GTF2A1L: variants seen among roughly 807,000 people sequenced by gnomAD.
GTF2A1L encodes general transcription factor IIA subunit 1 like, also known as TFIIA-alpha and beta-like factor.
A neutral mutation model predicts 49.7 loss-of-function variants in GTF2A1L; 48 were observed. The ratio of observed to expected loss-of-function variants is 0.97; its 90% confidence interval spans 0.77 to 1.23. GTF2A1L has a LOEUF of 1.23. GTF2A1L is among the 50% of genes most tolerant of loss of function. GTF2A1L has a pLI of 0.00. For synonymous variants in GTF2A1L, 246 were observed against 193.5 expected, an observed-to-expected ratio of 1.27 and a Z score of -2.25; for missense variants, 736 against 564.8, an observed-to-expected ratio of 1.30 and a Z score of -3.07.
At chr2:48,618,108 A>G (rs55957451) in intron 1 of GTF2A1L, 49,811 of 535,142 alleles carry the variant, frequency 0.093, 2,678 homozygotes, top group Non-Finnish European at 0.11. Context: ...GCCCCGCCAA[A>G]AGAACAAGTG....
At chr2:48,677,629 G>A (rs1679541653) in intron 8 of GTF2A1L, among the ~76,000 whole-genome samples, 1 of 151,990 alleles carries the variant, frequency 6.6e-6, no homozygotes, top group South Asian at 2.1e-4. Context: ...GACACTCTGG[G>A]TATCCTGTTT....
chr2:48,660,007 G>T (rs1678394674), intron 6 of GTF2A1L, among the ~76,000 whole-genome samples: 1 of 152,020 alleles, frequency 6.6e-6, no homozygotes, highest in South Asian at 2.1e-4. Context: ...AGCACTTTTA[G>T]TACTGTGTTG....
chr2:48,658,684 CT>C (rs1678315012), intron 6 of GTF2A1L, among the ~76,000 whole-genome samples: 3 of 151,884 alleles, frequency 2.0e-5, no homozygotes, highest in African/African-American at 7.2e-5. Context: ...AGGTATTGGT[CT>C]GTTTAGAGTT....
intron 4 of GTF2A1L, among the ~76,000 whole-genome samples, chr2:48,644,132 C>A (rs1462003992): frequency 2.0e-5 from 3 of 152,172 alleles, no homozygotes. Flanking sequence ...GATTGCACCA[C>A]TGCTCTTCAG....
At chr2:48,638,243 A>G (rs1450522261) in intron 3 of GTF2A1L, among the ~76,000 whole-genome samples, 1 of 152,236 alleles carries the variant, frequency 6.6e-6, no homozygotes, top group Non-Finnish European at 1.5e-5. Flanking sequence ...GGCCAGCATC[A>G]TCCCGATACC....
intron 3 of GTF2A1L, among the ~76,000 whole-genome samples, chr2:48,624,393 G>A (rs1257615077): frequency 1.4e-5 from 2 of 143,632 alleles, no homozygotes; most frequent in East Asian, 2.0e-4. Flanking sequence ...GAAATGAGCT[G>A]GATTCTTATC....
chr2:48,676,566 GTCTTATATTTAGTGATC>G (rs1186183062), intron 8 of GTF2A1L, among the ~76,000 whole-genome samples: 1 of 151,654 alleles, frequency 6.6e-6, no homozygotes, highest in Non-Finnish European at 1.5e-5. Context: ...GGATTATTTG[GTCTTATATTTAGTGATC>G]TCTAAGAGCT....
chr2:48,669,312 A>G (rs1679041563), intron 6 of GTF2A1L, among the ~76,000 whole-genome samples: 4 of 152,204 alleles, frequency 2.6e-5, no homozygotes, highest in African/African-American at 9.6e-5. Flanking sequence ...TATTTCACTT[A>G]GTGTAATCCT....
At chr2:48,639,951 C>G (rs569205877) in intron 3 of GTF2A1L, among the ~76,000 whole-genome samples, 1 of 152,056 alleles carries the variant, frequency 6.6e-6, no homozygotes, top group Non-Finnish European at 1.5e-5. Context: ...AAAAAAAGCT[C>G]AATATTACTG....
chr2:48,631,472 C>T (rs1676570704), intron 3 of GTF2A1L, among the ~76,000 whole-genome samples: 1 of 152,052 alleles, frequency 6.6e-6, no homozygotes, highest in Admixed American at 6.6e-5. Context: ...GTAATGTCAT[C>T]TTTGTCATTT....
At chr2:48,642,519 A>C in intron 4 of GTF2A1L, 62 bp downstream of exon 4, 1 of 1,446,750 alleles carries the variant, frequency 6.9e-7, no homozygotes, top group African/African-American at 1.4e-5. Context: ...AGTGGTGGCA[A>C]AATGCTGAAC....
intron 3 of GTF2A1L, among the ~76,000 whole-genome samples, chr2:48,629,709 C>T (rs183713695): frequency 2.1e-5 from 3 of 143,812 alleles, no homozygotes; most frequent in Admixed American, 1.4e-4. Flanking sequence ...AAGGTTAGGT[C>T]TTGAATCCAA....
intron 6 of GTF2A1L, among the ~76,000 whole-genome samples, chr2:48,659,575 T>G (rs1678374571): frequency 2.6e-5 from 4 of 152,106 alleles, no homozygotes; most frequent in Admixed American, 2.6e-4. Flanking sequence ...TATTCACATC[T>G]TAACCTTATT....
rs1676584468 is a variant in GTF2A1L at position 48,631,655 on chromosome 2, A to C, written c.247+10365A>C. On this transcript the variant is annotated intron_variant, in intron 3 of 8. Coordinates refer to ENST00000403751, the MANE Select transcript of GTF2A1L (RefSeq NM_006872.5). ...TTCTTTGTATGGATTTTTGGGTCTC[A>C]ATTTTGTTGTGTTTCACTCCGATTG... 2.0e-5 allele frequency among the ~76,000 whole-genome samples: 3 copies of C among 151,812 alleles called. No homozygotes were observed. The East Asian group carries it at 5.8e-4, about 29-fold the overall frequency.
rs111685880 is a variant in GTF2A1L, at chr2:48,647,050, T to A, written c.978+8T>A. ...ATACCTGTATCAGAGAAGGTATAGT[T>A]CTGTGTCCAACTTCTTGGTATCAGG... On this transcript the variant is annotated splice_region_variant and intron_variant, in intron 6 of 8. Transcript: ENST00000403751. 3.8e-6 allele frequency: 6 copies of A among 1,575,432 alleles called. No individual in the cohort carries two copies. The highest frequency in any genetic ancestry group is 2.7e-5 in the African/African-American group (2 of 73,692).
intron 8 of GTF2A1L, among the ~76,000 whole-genome samples, chr2:48,671,908 A>C (rs1488325050): frequency 6.6e-6 from 1 of 152,250 alleles, no homozygotes; most frequent in African/African-American, 2.4e-5. Flanking sequence ...TTATTGAAAC[A>C]AGATGTTTCT....
At position 48,679,455 on chromosome 2, in the gene GTF2A1L, C is replaced by A; in HGVS notation, c.*13C>A. 6.2e-7 allele frequency: 1 copy of A among 1,610,920 alleles called. No individual in the cohort carries two copies. The highest frequency in any genetic ancestry group is 1.1e-5 in the South Asian group (1 of 90,616). ...TGCAGAGTGGTAAACCTTGTGAGCT[C>A]AGTACATCTATTTTGTGAACATCAG... On this transcript the variant is annotated 3_prime_UTR_variant, in exon 9 of 9. Coordinates refer to ENST00000403751, the MANE Select transcript of GTF2A1L (RefSeq NM_006872.5).
At chr2:48,672,332 C>T (rs1679217835) in intron 8 of GTF2A1L, among the ~76,000 whole-genome samples, 1 of 151,996 alleles carries the variant, frequency 6.6e-6, no homozygotes, top group South Asian at 2.1e-4. Context: ...GGAAGTGAAG[C>T]TGGGTGGGAG....
intron 6 of GTF2A1L, among the ~76,000 whole-genome samples, chr2:48,665,983 G>A (rs1678819375): frequency 6.6e-6 from 1 of 151,716 alleles, no homozygotes; most frequent in African/African-American, 2.4e-5. Flanking sequence ...TATGTTTGTA[G>A]GTATATAAGT....
Sources: gnomAD v4.1 joint callset for allele counts (sites outside exome capture counted in the v4.1 genomes callset) on GRCh38, gnomAD v4.1.1 for gene constraint, MANE v1.5 for transcripts, NCBI Gene and HGNC (gene_info 2026-07-23, HGNC 2026-07-21) for gene names.